R3HCC1L: variants seen among roughly 807,000 people sequenced by gnomAD.
R3HCC1L encodes coiled-coil domain-containing protein R3HCC1L.
A neutral mutation model predicts 59.9 loss-of-function variants in R3HCC1L; 51 were observed. The observed-to-expected ratio is 0.85, with a 90% CI of 0.68 to 1.07. The LOEUF (loss-of-function observed/expected upper bound fraction) is 1.07. Ranked by LOEUF, R3HCC1L falls within the 50% of genes least tolerant of loss-of-function variation. R3HCC1L has a pLI of 0.00. For synonymous variants in R3HCC1L, 322 were observed against 315.2 expected, an observed-to-expected ratio of 1.02 and a Z score of -0.23; for missense variants, 965 against 933.0, an observed-to-expected ratio of 1.03 and a Z score of -0.45.
At chr10:98,243,674 C>T (rs1249830908) in intron 9 of R3HCC1L, among the ~76,000 whole-genome samples, 1 of 151,962 alleles carries the variant, frequency 6.6e-6, no homozygotes, top group Non-Finnish European at 1.5e-5. Flanking sequence ...ATTTAAGCAA[C>T]AAAATAGAAG....
chr10:98,142,796 C>T (rs115196184), intron 1 of R3HCC1L, among the ~76,000 whole-genome samples: 1 of 151,748 alleles, frequency 6.6e-6, no homozygotes, highest in South Asian at 2.1e-4. Flanking sequence ...TTAGCCAGGT[C>T]TGGCGACATG....
chr10:98,199,483 TAACAA>T (rs1722488532), intron 4 of R3HCC1L, among the ~76,000 whole-genome samples: 1 of 152,080 alleles, frequency 6.6e-6, no homozygotes, highest in African/African-American at 2.4e-5. Flanking sequence ...GTTCTTTTTG[TAACAA>T]ATTTAAACAA....
At chr10:98,211,246 G>A in intron 5 of R3HCC1L, 1 of 1,090,314 alleles carries the variant, frequency 9.2e-7, no homozygotes, top group Non-Finnish European at 1.3e-6. Context: ...GTATCACCTA[G>A]GAACTTGTTA....
Position 98,241,494 on chromosome 10 carries a change from A to G in R3HCC1L, c.2270-2597A>G, listed in dbSNP as rs1564747269. ...AAGTTTTCAGGGCCAGCCAATGTGA[A>G]TGTTTTAGGTCAATCATTTTGTGCT... On this transcript the variant is annotated intron_variant, in intron 9 of 9. Transcript: ENST00000298999. 3.3e-5 allele frequency among the ~76,000 whole-genome samples: 5 copies of G among 152,264 alleles called. No homozygotes were observed. The South Asian group carries it at 8.3e-4, about 25-fold the overall frequency.
intron 1 of R3HCC1L, among the ~76,000 whole-genome samples, chr10:98,151,245 A>G (rs1387892926): frequency 6.6e-6 from 1 of 152,146 alleles, no homozygotes; most frequent in Non-Finnish European, 1.5e-5. Context: ...AGTACTTTGG[A>G]AGAAGGTCTA....
chr10:98,209,902 ATGTTTAATT>A lies in R3HCC1L; in HGVS notation c.1785+4_1785+12del. On this transcript the variant is annotated splice_donor_5th_base_variant and intron_variant, in intron 5 of 9. Coordinates refer to ENST00000298999, the MANE Select transcript of R3HCC1L (RefSeq NM_001351015.2). ...TGGATCCACGTCTTCTACAAGAGGTATGTTTAATTGAAATTGCTTGATGCTTAGTTAGTT... is the reference window on the plus strand; with the variant it reads ...TGGATCCACGTCTTCTACAAGAGGTAGAAATTGCTTGATGCTTAGTTAGTT... 6.3e-7 allele frequency: 1 copy of A among 1,599,006 alleles called. No homozygotes were observed. The highest frequency in any genetic ancestry group is 8.5e-7 in the Non-Finnish European group (1 of 1,169,936).
intron 1 of R3HCC1L, among the ~76,000 whole-genome samples, chr10:98,140,708 T>G (rs1290734534): frequency 6.6e-6 from 1 of 152,200 alleles, no homozygotes; most frequent in African/African-American, 2.4e-5. Flanking sequence ...CAGATATTAA[T>G]AGTAAATCAA....
chr10:98,172,832 A>G (rs1848645817), intron 4 of R3HCC1L, among the ~76,000 whole-genome samples: 1 of 152,182 alleles, frequency 6.6e-6, no homozygotes, highest in Non-Finnish European at 1.5e-5. Flanking sequence ...TTCCCATACA[A>G]AATTTGACTA....
chr10:98,155,165 C>T (rs1166707979), intron 1 of R3HCC1L, among the ~76,000 whole-genome samples: 2 of 152,096 alleles, frequency 1.3e-5, no homozygotes, highest in African/African-American at 4.8e-5. Context: ...TGTCTCTGTC[C>T]TTTTATATTA....
intron 5 of R3HCC1L, among the ~76,000 whole-genome samples, chr10:98,212,738 T>A (rs1352150109): frequency 6.6e-6 from 1 of 152,168 alleles, no homozygotes; most frequent in Non-Finnish European, 1.5e-5. Context: ...TCATCAGATC[T>A]GTTGGTAGGA....
In R3HCC1L at chr10:98,174,597, A is replaced by G. The variant is rs376713219; in HGVS notation, c.-15+11200A>G. The G allele has an allele frequency of 1.8e-5, 18 of 984,858 alleles. No individual in the cohort carries two copies. The South Asian group carries it at 8.0e-4, about 44-fold the overall frequency. The allele number at this position is 984,858 out of a possible 1,614,324, so 61.0% of individuals were successfully genotyped here. ...AACAATGAGATGTCTCAGTTTAAAC[A>G]CAACTCATTTAGGAGGGCGTTAGAC... is the stretch of plus-strand genomic sequence containing the variant. On this transcript the variant is annotated intron_variant, in intron 4 of 9. Transcript: ENST00000298999.
chr10:98,147,824 A>T (rs1397395731), intron 1 of R3HCC1L, among the ~76,000 whole-genome samples: 1 of 152,046 alleles, frequency 6.6e-6, no homozygotes, highest in Non-Finnish European at 1.5e-5. Flanking sequence ...TTGTAGTGTA[A>T]TTTGAAGTCA....
At chr10:98,222,394 T>C (rs1220908587) in intron 5 of R3HCC1L, among the ~76,000 whole-genome samples, 1 of 151,976 alleles carries the variant, frequency 6.6e-6, no homozygotes, top group Non-Finnish European at 1.5e-5. Flanking sequence ...CTAATTGCCC[T>C]GGCCAGAACT....
intron 5 of R3HCC1L, among the ~76,000 whole-genome samples, chr10:98,224,319 TC>T (rs1393332526): frequency 6.6e-6 from 1 of 152,086 alleles, no homozygotes; most frequent in Admixed American, 6.5e-5. Flanking sequence ...CTTGTTTTTT[TC>T]CTTTTATATG....
At chr10:98,162,256 C>A (rs1414932544) in intron 2 of R3HCC1L, among the ~76,000 whole-genome samples, 1 of 152,088 alleles carries the variant, frequency 6.6e-6, no homozygotes, top group Non-Finnish European at 1.5e-5. Flanking sequence ...GTAAACAGTT[C>A]TGGAATAAGT....
intron 4 of R3HCC1L, among the ~76,000 whole-genome samples, chr10:98,187,009 T>C (rs1850286579): frequency 6.6e-6 from 1 of 152,110 alleles, no homozygotes; most frequent in Admixed American, 6.5e-5. Flanking sequence ...ATAATAATTA[T>C]ATACACCTTG....
chr10:98,193,089 A>G (rs1297371916), intron 4 of R3HCC1L, among the ~76,000 whole-genome samples: 1 of 139,300 alleles, frequency 7.2e-6, no homozygotes, highest in African/African-American at 2.4e-5. Flanking sequence ...TTTTTATGAT[A>G]AAAACACTCA....
chr10:98,172,113 A>G (rs899239692), intron 4 of R3HCC1L, among the ~76,000 whole-genome samples: 3 of 152,154 alleles, frequency 2.0e-5, no homozygotes, highest in African/African-American at 4.8e-5. Context: ...GGCTCTACAC[A>G]TGTTTGAGGC....
chr10:98,158,320 T>G (rs2134131457), intron 2 of R3HCC1L, among the ~76,000 whole-genome samples: 1 of 152,304 alleles, frequency 6.6e-6, no homozygotes, highest in South Asian at 2.1e-4. Flanking sequence ...TCCTAGAGAT[T>G]ATATTCTCAT....
Sources: allele counts gnomAD v4.1 joint callset (sites outside exome capture counted in the v4.1 genomes callset), GRCh38; gene constraint gnomAD v4.1.1; transcripts MANE v1.5; gene names NCBI Gene and HGNC (gene_info 2026-07-23, HGNC 2026-07-21).